Variants in IMMP1L observed in about 807,000 individuals in gnomAD.
IMMP1L encodes mitochondrial inner membrane protease subunit 1.
IMMP1L carries 24 observed loss-of-function variants against 21.8 expected under a neutral mutation model. The ratio of observed to expected loss-of-function variants is 1.10; its 90% CI spans 0.80 to 1.55. IMMP1L has a LOEUF of 1.55. Among genes scored for constraint, IMMP1L ranks in the 40% most tolerant of loss-of-function variants. The probability of loss-of-function intolerance (pLI) is 0.00; values close to 1 mark genes in which losing one functional copy is unlikely to be tolerated. For missense variants in IMMP1L, 195 were observed against 200.7 expected (o/e 0.97, Z 0.17); for synonymous variants, 46 against 62.8 (o/e 0.73, Z 1.26).
intron 1 of IMMP1L, among the ~76,000 whole-genome samples, chr11:31,468,764 T>C (rs1369563100): frequency 6.6e-6 from 1 of 152,110 alleles, no homozygotes; most frequent in South Asian, 2.1e-4. Context: ...AAGAAAAATA[T>C]AGTAAAGTGA....
intron 1 of IMMP1L, among the ~76,000 whole-genome samples, chr11:31,504,094 C>T (rs893149337): frequency 1.3e-5 from 2 of 151,950 alleles, no homozygotes; most frequent in African/African-American, 2.4e-5. Flanking sequence ...CAATAAAGTA[C>T]AGACATAAAT....
chr11:31,489,583 CT>C (rs1955189960), intron 1 of IMMP1L, among the ~76,000 whole-genome samples: 1 of 148,684 alleles, frequency 6.7e-6, no homozygotes, highest in Non-Finnish European at 1.5e-5. Flanking sequence ...TACTTATCAT[CT>C]TTTGCTCTCC....
At chr11:31,494,177 A>G (rs1353765751) in intron 1 of IMMP1L, among the ~76,000 whole-genome samples, 1 of 152,102 alleles carries the variant, frequency 6.6e-6, no homozygotes, top group Non-Finnish European at 1.5e-5. Context: ...CAAGTGCTCC[A>G]CCCCTGCAGC....
chr11:31,473,777 T>C (rs1254824528), intron 1 of IMMP1L: 4 of 984,920 alleles, frequency 4.1e-6, no homozygotes, highest in Non-Finnish European at 4.8e-6. Flanking sequence ...ATTGTTCAGG[T>C]CTGAAATTCC....
chr11:31,452,884 G>C, intron 4 of IMMP1L: 1 of 610,148 alleles, frequency 1.6e-6, no homozygotes, highest in Non-Finnish European at 2.3e-6. Context: ...CCAAGTAGCT[G>C]AGATGACAGG....
At chr11:31,464,479 G>A (rs1427748162) in intron 1 of IMMP1L, among the ~76,000 whole-genome samples, 2 of 151,988 alleles carry the variant, frequency 1.3e-5, no homozygotes, top group Non-Finnish European at 2.9e-5. Flanking sequence ...CAAACCAGAT[G>A]CAGGAAAAGA....
chr11:31,435,704 C>CT (rs912127790), intron 4 of IMMP1L, among the ~76,000 whole-genome samples: 11 of 152,060 alleles, frequency 7.2e-5, no homozygotes, highest in Admixed American at 7.2e-4. Context: ...GATTGATCTC[C>CT]TTTTTTTCCC....
intron 4 of IMMP1L, among the ~76,000 whole-genome samples, chr11:31,439,508 C>T (rs1386944599): frequency 2.6e-5 from 4 of 152,154 alleles, no homozygotes; most frequent in Non-Finnish European, 5.9e-5. Context: ...TGCTTCTCTG[C>T]TAATTCCATA....
At chr11:31,491,664 T>A (rs1311543268) in intron 1 of IMMP1L, among the ~76,000 whole-genome samples, 1 of 152,194 alleles carries the variant, frequency 6.6e-6, no homozygotes. Flanking sequence ...TCTTAACCTA[T>A]CTAAATTGTA....
intron 1 of IMMP1L, chr11:31,477,563 A>C (rs1954767379): frequency 1.3e-5 from 13 of 984,914 alleles, no homozygotes; most frequent in Non-Finnish European, 1.6e-5. Context: ...AATAGCTTTG[A>C]GCTTCATGAA....
At position 31,501,333 on chromosome 11, in the gene IMMP1L, G is replaced by A. The variant is rs545041457; in HGVS notation, c.-30+8186C>T. Among the ~76,000 whole-genome samples the A allele has an allele frequency of 3.9e-5, 6 of 152,264 alleles. No individual in the cohort carries two copies. In the South Asian group the frequency reaches 1.2e-3, roughly 32 times the overall value. ...TAGTGTTGAGAGGTGAGGCTAAATG[G>A]GAGGTGTTTAGGTCTGAGGGCTCCA... On this transcript the variant is annotated intron_variant, in intron 1 of 5. Transcript: ENST00000532287.
intron 1 of IMMP1L, chr11:31,473,628 A>G: frequency 2.9e-6 from 1 of 344,086 alleles, no homozygotes; most frequent in Non-Finnish European, 4.1e-6. Context: ...CAGAAGCTGA[A>G]AAGAAATTAG....
intron 1 of IMMP1L, among the ~76,000 whole-genome samples, chr11:31,469,325 T>C (rs959585148): frequency 6.6e-6 from 1 of 151,644 alleles, no homozygotes; most frequent in Non-Finnish European, 1.5e-5. Context: ...ACTTAACATA[T>C]GAACACTTTA....
chr11:31,502,647 T>C (rs1955657555), intron 1 of IMMP1L, among the ~76,000 whole-genome samples: 1 of 152,196 alleles, frequency 6.6e-6, no homozygotes, highest in Non-Finnish European at 1.5e-5. Flanking sequence ...AGCAGAAATG[T>C]CCACGATAAT....
intron 1 of IMMP1L, among the ~76,000 whole-genome samples, chr11:31,487,326 T>A (rs1955115225): frequency 6.6e-6 from 1 of 152,148 alleles, no homozygotes; most frequent in Non-Finnish European, 1.5e-5. Context: ...CAGCTCCATG[T>A]TGTTTCTGTC....
At chr11:31,494,245 T>A (rs1955354958) in intron 1 of IMMP1L, among the ~76,000 whole-genome samples, 1 of 152,168 alleles carries the variant, frequency 6.6e-6, no homozygotes, top group Admixed American at 6.5e-5. Context: ...TAGGAGGAGG[T>A]TCCCACACCT....
At chr11:31,440,592 T>C (rs1195847255) in intron 4 of IMMP1L, among the ~76,000 whole-genome samples, 1 of 152,134 alleles carries the variant, frequency 6.6e-6, no homozygotes, top group Admixed American at 6.5e-5. Context: ...GGTTTCAACA[T>C]GTTGGCCAGG....
intron 3 of IMMP1L, 25 bp downstream of exon 3, chr11:31,460,601 T>C (rs753183948): frequency 7.0e-7 from 1 of 1,424,370 alleles, no homozygotes; most frequent in Non-Finnish European, 9.9e-7. Context: ...ACTGTAAATT[T>C]AATATATCCA....
chr11:31,476,597 A>C (rs1444076638), intron 1 of IMMP1L, among the ~76,000 whole-genome samples: 1 of 152,060 alleles, frequency 6.6e-6, no homozygotes, highest in African/African-American at 2.4e-5. Flanking sequence ...ATTTAGACTG[A>C]GGCTGTATAA....
Sources: allele counts gnomAD v4.1 joint callset (sites outside exome capture counted in the v4.1 genomes callset), GRCh38; gene constraint gnomAD v4.1.1; transcripts MANE v1.5; gene names NCBI Gene and HGNC (gene_info 2026-07-23, HGNC 2026-07-21).